The following SLC35G2 variants were observed in gnomAD, a reference collection of about 807,000 sequenced individuals.
SLC35G2 encodes the protein solute carrier family 35 member G2.
SLC35G2 carries 20 observed loss-of-function variants against 27.2 expected under a neutral mutation model. The observed-to-expected ratio is 0.74, with a 90% CI of 0.52 to 1.07. The LOEUF (loss-of-function observed/expected upper bound fraction) is 1.07. Ranked by LOEUF, SLC35G2 falls within the 50% of genes least tolerant of loss-of-function variation. SLC35G2 has a pLI of 0.00. For missense variants in SLC35G2, 416 were observed against 493.3 expected, an observed-to-expected ratio of 0.84 and a Z score of 1.48; for synonymous variants, 148 against 165.3, an observed-to-expected ratio of 0.90 and a Z score of 0.80.
At chr3:136,844,989 T>TA (rs1937307154) in intron 1 of SLC35G2, among the ~76,000 whole-genome samples, 1 of 152,194 alleles carries the variant, frequency 6.6e-6, no homozygotes, top group Non-Finnish European at 1.5e-5. Context: ...GAGCTGAAGT[T>TA]AATGTGTTCA....
At chr3:136,825,880 T>C (rs35290537) in intron 1 of SLC35G2, among the ~76,000 whole-genome samples, 9,139 of 152,212 alleles carry the variant, frequency 0.06, 383 homozygotes, top group Middle Eastern at 0.12. Flanking sequence ...GATGCGTCTT[T>C]GTTAGTTTTG....
chr3:136,829,755 T>C (rs951858763), intron 1 of SLC35G2, among the ~76,000 whole-genome samples: 1 of 152,180 alleles, frequency 6.6e-6, no homozygotes, highest in African/African-American at 2.4e-5. Flanking sequence ...ATCTCCTGGC[T>C]TGTAAGGTTT....
chr3:136,854,961 A>G lies in SLC35G2; in HGVS notation c.501A>G (p.Arg167=), dbSNP rs1414929505. ...TTGGACCCAGTGGATACAGATTACG[A>G]CTCTTCTTTTATGGTGTATGCAATG... is the stretch of plus-strand genomic sequence containing the variant. ...APFGPSGYRL[R]LFFYGVCNVI... Residue 167 remains arginine (R), a synonymous_variant, in exon 2 of 2, where the codon CGA becomes CGG. Coordinates refer to ENST00000446465, the MANE Select transcript of SLC35G2 (RefSeq NM_025246.3). 9 of 1,613,418 alleles carry G rather than the reference A, an allele frequency of 5.6e-6. No homozygotes were observed. The highest frequency in any genetic ancestry group is 6.8e-6 in the Non-Finnish European group (8 of 1,179,882).
Position 136,855,029 on chromosome 3 carries a change from C to G in SLC35G2, c.569C>G (p.Pro190Arg), listed in dbSNP as rs1330317972. Residue 190 changes from proline to arginine, a missense_variant, in exon 2 of 2, where the codon CCT (proline) becomes CGT (arginine). Coordinates refer to ENST00000446465, the MANE Select transcript of SLC35G2 (RefSeq NM_025246.3). ...TCAYTSFSIVPPSNGTTMWRA... is the reference protein window; with the variant it reads ...TCAYTSFSIVRPSNGTTMWRA... Reference sequence around the variant, plus strand: ...GCTTATACATCATTTTCAATAGTTCCTCCCAGCAATGGGACCACTATGTGG... The same window carrying G: ...GCTTATACATCATTTTCAATAGTTCGTCCCAGCAATGGGACCACTATGTGG... 6.2e-7 allele frequency: 1 copy of G among 1,614,174 alleles called. No individual in the cohort carries two copies. The highest frequency in any genetic ancestry group is 1.1e-5 in the South Asian group (1 of 91,088).
chr3:136,825,133 C>T (rs1464050155), intron 1 of SLC35G2, among the ~76,000 whole-genome samples: 2 of 151,942 alleles, frequency 1.3e-5, no homozygotes, highest in Admixed American at 1.3e-4. Flanking sequence ...CCAGTACTGT[C>T]TTGAATAACA....
In SLC35G2 at chr3:136,855,143, G is replaced by A. The variant is rs775240443; in HGVS notation, c.683G>A (p.Cys228Tyr). The A allele has an allele frequency of 1.5e-5, 25 of 1,614,046 alleles. No individual in the cohort carries two copies. The highest frequency in any genetic ancestry group is 2.1e-5 in the Non-Finnish European group (25 of 1,180,038). ...TATGTTGACATGGCTACAGTTGTTT[G>A]CAGCATCTTAGGTGTTTGTCTTGTC... ...MAYVDMATVV[C>Y]SILGVCLVMI... Residue 228 changes from cysteine (C) to tyrosine (Y), a missense_variant, in exon 2 of 2, where the codon TGC becomes TAC. Physicochemically the swap from Cys to Tyr is radical, Grantham distance 194 (BLOSUM62 -2). Coordinates refer to ENST00000446465, the MANE Select transcript of SLC35G2 (RefSeq NM_025246.3).
chr3:136,835,533 CTTTGAATTAATAAGT>C (rs1936844338), intron 1 of SLC35G2, among the ~76,000 whole-genome samples: 1 of 152,064 alleles, frequency 6.6e-6, no homozygotes, highest in South Asian at 2.1e-4. Context: ...TTCTCTTTCC[CTTTGAATTAATAAGT>C]ATTTTGTAGG....
At chr3:136,841,650 G>A (rs1937102271) in intron 1 of SLC35G2, 1 of 152,154 alleles carries the variant, frequency 6.6e-6, no homozygotes, top group African/African-American at 2.4e-5. Context: ...AGAATTGCTT[G>A]AACCCAGGAG....
At position 136,821,754 on chromosome 3, in the gene SLC35G2, C is replaced by T. The variant is rs535748931; in HGVS notation, c.-19+2126C>T. The stretch of plus-strand genomic sequence containing the variant: ...GGCCTGCCTTCTTAACAAAATTTTA[C>T]GTGTATAATACATTATTGTTGATAT... On this transcript the variant is annotated intron_variant, in intron 1 of 1. Coordinates refer to ENST00000446465, the MANE Select transcript of SLC35G2 (RefSeq NM_025246.3). 1.8e-4 allele frequency among the ~76,000 whole-genome samples: 27 copies of T among 152,282 alleles called. No individual in the cohort carries two copies. The South Asian group carries it at 5.4e-3, about 30-fold the overall frequency.
At chr3:136,822,848 T>C (rs1299045851) in intron 1 of SLC35G2, among the ~76,000 whole-genome samples, 1 of 152,242 alleles carries the variant, frequency 6.6e-6, no homozygotes, top group African/African-American at 2.4e-5. Flanking sequence ...TCTTGGCTAT[T>C]GTGAACAGTG....
At chr3:136,831,054 A>C (rs1936719386) in intron 1 of SLC35G2, among the ~76,000 whole-genome samples, 1 of 152,212 alleles carries the variant, frequency 6.6e-6, no homozygotes, top group Admixed American at 6.5e-5. Flanking sequence ...AACTCAATGG[A>C]GGAAAGGAGA....
Position 136,855,233 on chromosome 3 carries a change from A to G in SLC35G2, c.773A>G (p.Tyr258Cys), listed in dbSNP as rs374783181. The change falls in exon 2 of 2, where the codon TAC (tyrosine) becomes TGC (cysteine). Residue 258 changes from tyrosine to cysteine, a missense_variant. By Grantham distance (194) the Tyr-to-Cys change is radical. Coordinates refer to ENST00000446465, the MANE Select transcript of SLC35G2 (RefSeq NM_025246.3). ...AATGCCTGGAAAGAAGCCTTTGGGTACACCATGACTGTGATGGCTGGACTG... is the reference window on the plus strand; with the variant it reads ...AATGCCTGGAAAGAAGCCTTTGGGTGCACCATGACTGTGATGGCTGGACTG... Reference protein sequence around the residue: ...LLNAWKEAFGYTMTVMAGLTT... With the variant: ...LLNAWKEAFGCTMTVMAGLTT... The G allele has an allele frequency of 1.2e-6, 2 of 1,614,106 alleles. No homozygotes were observed. Among genetic ancestry groups the G allele is most frequent in the East Asian group, 4.5e-5 (2 of 44,896 alleles).
intron 1 of SLC35G2, among the ~76,000 whole-genome samples, chr3:136,849,075 A>G (rs1937517039): frequency 6.6e-6 from 1 of 152,006 alleles, no homozygotes; most frequent in African/African-American, 2.4e-5. Context: ...GCTATTTGGG[A>G]GGCTGAGGCA....
At chr3:136,821,919 C>T (rs921444610) in intron 1 of SLC35G2, among the ~76,000 whole-genome samples, 1 of 152,092 alleles carries the variant, frequency 6.6e-6, no homozygotes, top group African/African-American at 2.4e-5. Context: ...TTCTACTCCT[C>T]GATTCTATGA....
intron 1 of SLC35G2, among the ~76,000 whole-genome samples, chr3:136,823,893 T>A (rs1413916030): frequency 6.6e-6 from 1 of 152,004 alleles, no homozygotes; most frequent in African/African-American, 2.4e-5. Context: ...CTGATTTGAT[T>A]TTTCTATGTG....
rs773132627 is a variant in SLC35G2 at position 136,855,450 on chromosome 3, A to C, written c.990A>C (p.Ala330=). 6.2e-7 allele frequency: 1 copy of C among 1,614,074 alleles called. No individual in the cohort carries two copies. Among genetic ancestry groups the C allele is most frequent in the African/African-American group, 1.3e-5 (1 of 74,930 alleles). ...TTGCTATATGTGTCTGTTCTACTGC[A>C]GCATTCTTAGGAGTTTATTATGCCT... ...YLIAICVCST[A]AFLGVYYALD... The change falls in exon 2 of 2, where the codon GCA becomes GCC. Residue 330 remains alanine, a synonymous_variant. Transcript: ENST00000446465.
chr3:136,823,044 C>T (rs990658319), intron 1 of SLC35G2, among the ~76,000 whole-genome samples: 1 of 152,186 alleles, frequency 6.6e-6, no homozygotes, highest in African/African-American at 2.4e-5. Context: ...TGTGAGAGTT[C>T]CCTTTCTCCA....
At chr3:136,820,226 G>C (rs1449792311) in intron 1 of SLC35G2, 2 of 152,006 alleles carry the variant, frequency 1.3e-5, no homozygotes, top group Non-Finnish European at 2.9e-5. Context: ...GCTGGGGGTA[G>C]GTCCAGAGGG....
At chr3:136,833,454 A>C (rs914691402) in intron 1 of SLC35G2, among the ~76,000 whole-genome samples, 2 of 152,194 alleles carry the variant, frequency 1.3e-5, no homozygotes, top group African/African-American at 4.8e-5. Flanking sequence ...GATGCTGTAG[A>C]GCAGTCATCC....
Sources: gnomAD v4.1 joint callset for allele counts (sites outside exome capture counted in the v4.1 genomes callset) on GRCh38, gnomAD v4.1.1 for gene constraint, MANE v1.5 for transcripts, NCBI Gene and HGNC (gene_info 2026-07-23, HGNC 2026-07-21) for gene names.